Variants in PTPRJ observed in about 807,000 individuals in gnomAD.
PTPRJ encodes the protein receptor-type tyrosine-protein phosphatase eta.
PTPRJ carries 129 observed loss-of-function variants against 141.3 expected under a neutral mutation model. That is an observed-to-expected ratio of 0.91 (90% CI 0.79 to 1.06). The LOEUF (loss-of-function observed/expected upper bound fraction) is 1.06, where lower values mean the gene tolerates loss of function less well. Ranked by LOEUF, PTPRJ falls within the 50% of genes least tolerant of loss-of-function variation. The pLI is 0.00. For missense variants in PTPRJ, 1,601 were observed against 1,679.7 expected (o/e 0.95, Z 0.82); for synonymous variants, 610 against 640.5 (o/e 0.95, Z 0.72).
chr11:48,050,524 T>G (rs755073411), intron 1 of PTPRJ, among the ~76,000 whole-genome samples: 3 of 152,216 alleles, frequency 2.0e-5, no homozygotes, highest in East Asian at 3.8e-4. Context: ...ATATGTATAG[T>G]TCCTGTTCAC....
chr11:48,137,271 A>G lies in PTPRJ; in HGVS notation c.2142A>G (p.Ser714=), dbSNP rs1565322196. The G allele has an allele frequency of 6.2e-7, 1 of 1,614,014 alleles. No individual in the cohort carries two copies. Among genetic ancestry groups the G allele is most frequent in the Non-Finnish European group, 8.5e-7 (1 of 1,179,916 alleles). ...AGTCACTGGAACCTGGCCGGAAGTC[A>G]TTCTGTACAGGTGAGTGTAGCCCCA... The part of the protein sequence containing the change: ...GIKSLEPGRK[S]FCTDPASMAS... Residue 714 remains serine (S), a synonymous_variant, in exon 10 of 25, where the codon TCA becomes TCG. Transcript: ENST00000418331.
intron 1 of PTPRJ, among the ~76,000 whole-genome samples, chr11:48,103,600 C>A (rs1856209332): frequency 6.6e-6 from 1 of 152,268 alleles, no homozygotes; most frequent in Non-Finnish European, 1.5e-5. Context: ...GATTATACAT[C>A]AATTATGTTC....
At position 48,112,809 on chromosome 11, in the gene PTPRJ, C is replaced by T; in HGVS notation, c.178C>T (p.Gln60Ter). Residue 60 changes from glutamine (Q) to a stop codon, truncating the protein, a stop_gained, in exon 3 of 25, where the codon CAG (glutamine) becomes TAG (stop). Coordinates refer to ENST00000418331, the MANE Select transcript of PTPRJ (RefSeq NM_002843.4). LOFTEE classifies it high-confidence loss of function. ...TVATGENGIT[Q>*]ISSTAESFHK... ...TGCCACAGGGGAAAATGGCATAACGCAGATCAGCAGTACAGCAGAATCCTT... is the reference window on the plus strand; with the variant it reads ...TGCCACAGGGGAAAATGGCATAACGTAGATCAGCAGTACAGCAGAATCCTT... The T allele has an allele frequency of 6.2e-7, 1 of 1,614,192 alleles. No homozygotes were observed. The highest frequency in any genetic ancestry group is 8.5e-7 in the Non-Finnish European group (1 of 1,180,030).
intron 1 of PTPRJ, among the ~76,000 whole-genome samples, chr11:48,039,457 A>G (rs992750097): frequency 7.3e-6 from 1 of 136,466 alleles, no homozygotes; most frequent in African/African-American, 2.9e-5. Flanking sequence ...GCCAAATACA[A>G]CACTATGGTG....
rs1197266401 is a variant in PTPRJ, at chr11:48,142,768, C to A, written c.2444-151C>A. The A allele has an allele frequency of 7.4e-6, 7 of 950,654 alleles. No individual in the cohort carries two copies. In the East Asian group the frequency reaches 1.4e-4, roughly 19 times the overall value. The allele number at this position is 950,654 out of a possible 1,614,324, so 58.9% of individuals were successfully genotyped here. ...TGCTCCTCACCAGTTTCCTTCCCTG[C>A]CTTTTGCTTCTGGATTTGCTGTTTT... On this transcript the variant is annotated intron_variant, in intron 11 of 24. Transcript: ENST00000418331.
intron 19 of PTPRJ, 84 bp from the exon 20 acceptor site, chr11:48,155,717 A>G (rs1857582415): frequency 4.1e-6 from 5 of 1,231,500 alleles, no homozygotes; most frequent in Non-Finnish European, 5.7e-6. Context: ...TGCCATTTTG[A>G]ATTTCATTTT....
intron 1 of PTPRJ, among the ~76,000 whole-genome samples, chr11:48,059,957 G>A (rs1289151496): frequency 1.3e-5 from 2 of 152,184 alleles, no homozygotes; most frequent in Admixed American, 6.5e-5. Flanking sequence ...TTTGATTGAA[G>A]CTATAAGGGA....
chr11:48,100,830 C>T (rs1047552167), intron 1 of PTPRJ, among the ~76,000 whole-genome samples: 14 of 150,352 alleles, frequency 9.3e-5, no homozygotes, highest in Admixed American at 2.0e-4. Flanking sequence ...TGCAGTGAGC[C>T]GAGATTGCGC....
intron 2 of PTPRJ, among the ~76,000 whole-genome samples, chr11:48,110,645 G>A (rs4356181): frequency 0.14 from 20,999 of 152,248 alleles, 1,609 homozygotes; most frequent in East Asian, 0.28. Flanking sequence ...AGTTGAAATT[G>A]TAATACATTA....
chr11:48,069,445 A>ATTTTTTTTTTTTT lies in PTPRJ; in HGVS notation c.97-40604_97-40592dup, dbSNP rs35405916. Among the ~76,000 whole-genome samples the ATTTTTTTTTTTTT allele has an allele frequency of 3.3e-5, 4 of 121,322 alleles. 1 individual carries two copies. 79.6% of individuals were successfully genotyped at this position (121,322 alleles called of 152,430 possible). On this transcript the variant is annotated intron_variant, in intron 1 of 24. Transcript: ENST00000418331. ...GGCTGTGATAAAAACTACATTGATA[A>ATTTTTTTTTTTTT]TTTTTTTTTTTTTTTTTTTTTGGAG...
At chr11:48,108,974 GAGGAGTC>G (rs1308416754) in intron 1 of PTPRJ, among the ~76,000 whole-genome samples, 1 of 152,184 alleles carries the variant, frequency 6.6e-6, no homozygotes, top group Non-Finnish European at 1.5e-5. Flanking sequence ...AGTGTGGTTG[GAGGAGTC>G]AGTGATGGAC....
intron 1 of PTPRJ, chr11:48,044,792 C>G (rs1459003290): frequency 1.3e-5 from 2 of 152,330 alleles, no homozygotes; most frequent in Non-Finnish European, 2.9e-5. Flanking sequence ...TGACCACAGA[C>G]AGAGTTGAAG....
chr11:48,025,861 T>G (rs1439678292), intron 1 of PTPRJ, among the ~76,000 whole-genome samples: 1 of 152,182 alleles, frequency 6.6e-6, no homozygotes, highest in Non-Finnish European at 1.5e-5. Flanking sequence ...TGCATCTGCC[T>G]CAGACAGCCG....
At chr11:48,042,200 T>C (rs1054251230) in intron 1 of PTPRJ, among the ~76,000 whole-genome samples, 3 of 152,188 alleles carry the variant, frequency 2.0e-5, no homozygotes, top group Non-Finnish European at 2.9e-5. Flanking sequence ...TGAGGAGTTA[T>C]GTTATAAGGG....
Position 48,090,150 on chromosome 11 carries a change from C to T in PTPRJ, c.97-19908C>T, listed in dbSNP as rs572826596. 4.6e-5 allele frequency among the ~76,000 whole-genome samples: 7 copies of T among 152,244 alleles called. No individual in the cohort carries two copies. In the East Asian group the frequency reaches 1.4e-3, roughly 29 times the overall value. On this transcript the variant is annotated intron_variant, in intron 1 of 24. Transcript: ENST00000418331. The stretch of plus-strand genomic sequence containing the variant: ...CCAGTCTGCTGTGATTCAGTGCTGG[C>T]CTGGGAGCAGCCCTCGAGGGCAGAC...
At chr11:48,039,161 A>AG (rs1854206846) in intron 1 of PTPRJ, among the ~76,000 whole-genome samples, 2 of 151,880 alleles carry the variant, frequency 1.3e-5, no homozygotes, top group Admixed American at 1.3e-4. Context: ...AAAAAAAAAA[A>AG]AAAAGAAAAA....
intron 1 of PTPRJ, among the ~76,000 whole-genome samples, chr11:48,034,303 T>TC (rs1854066127): frequency 6.6e-6 from 1 of 152,162 alleles, no homozygotes; most frequent in African/African-American, 2.4e-5. Flanking sequence ...CCTTTTTTTT[T>TC]CTTTTATTTT....
Position 48,139,675 on chromosome 11 carries a change from C to A in PTPRJ, c.2342C>A (p.Thr781Lys), listed in dbSNP as rs774943725. The A allele has an allele frequency of 5.0e-6, 8 of 1,614,154 alleles. No individual in the cohort carries two copies. Among genetic ancestry groups the A allele is most frequent in the Middle Eastern group, 1.6e-4 (1 of 6,062 alleles). The change falls in exon 11 of 25, where the codon ACG becomes AAG. Residue 781 changes from threonine to lysine, a missense_variant. Coordinates refer to ENST00000418331, the MANE Select transcript of PTPRJ (RefSeq NM_002843.4). ...GGCACTGAGTATAGAACGGAAGTCA[C>A]GTATTTGAATTTTTCTACCTCGTAC... The part of the protein sequence containing the change: ...ENGTEYRTEV[T>K]YLNFSTSYNI...
At chr11:48,149,380 A>T in intron 15 of PTPRJ, 67 bp from the exon 16 acceptor site, 1 of 1,072,648 alleles carries the variant, frequency 9.3e-7, no homozygotes, top group Middle Eastern at 2.0e-4. Flanking sequence ...TCAACTCCAG[A>T]TACACAAGGG....
Sources: allele counts gnomAD v4.1 joint callset (sites outside exome capture counted in the v4.1 genomes callset), GRCh38; gene constraint gnomAD v4.1.1; transcripts MANE v1.5; gene names NCBI Gene and HGNC (gene_info 2026-07-23, HGNC 2026-07-21).